Variants in DOCK9 observed in about 807,000 individuals in gnomAD.
The protein encoded by DOCK9 is dedicator of cytokinesis protein 9.
DOCK9 carries 89 observed loss-of-function variants against 263.3 expected under a neutral mutation model. The observed-to-expected ratio is 0.34, with a 90% CI of 0.28 to 0.40. DOCK9 has a LOEUF of 0.40. DOCK9 is among the 10% of genes least tolerant of loss of function. DOCK9 has a pLI of 1.00. For synonymous variants in DOCK9, 976 were observed against 973.1 expected (o/e 1.00, Z -0.06); for missense variants, 2,140 against 2,603.4 (o/e 0.82, Z 3.87).
rs181867941 is a variant in DOCK9 at position 99,038,927 on chromosome 13, T to C, written c.129+47296A>G. ...GATCTAATGGATGTCTTGGAAGCTA[T>C]GCATGTTTGCTGCATGACATTCATT... On this transcript the variant is annotated intron_variant, in intron 1 of 32. Transcript: ENST00000427887. Among the ~76,000 whole-genome samples, 53 of 152,378 alleles carry C rather than the reference T, an allele frequency of 3.5e-4. 1 individual carries two copies. The East Asian group carries it at 9.6e-3, about 28-fold the overall frequency.
chr13:99,017,516 A>G (rs1395428246), intron 1 of DOCK9, among the ~76,000 whole-genome samples: 1 of 152,254 alleles, frequency 6.6e-6, no homozygotes, highest in African/African-American at 2.4e-5. Context: ...TATTTGAGAT[A>G]CAAAAGATTA....
chr13:98,923,428 T>C (rs771738608), intron 4 of DOCK9, 57 bp from the exon 5 acceptor site: 4 of 1,434,992 alleles, frequency 2.8e-6, no homozygotes, highest in Non-Finnish European at 3.9e-6. Flanking sequence ...GAAGAGGCTT[T>C]GCATTTCTTC....
chr13:98,842,554 CAT>C (rs976711473), intron 38 of DOCK9, among the ~76,000 whole-genome samples: 1 of 152,150 alleles, frequency 6.6e-6, no homozygotes, highest in African/African-American at 2.4e-5. Context: ...TCAAAGTAAA[CAT>C]AGTGTTATTT....
At chr13:98,831,237 C>T (rs1368076305) in intron 41 of DOCK9, 111 bp downstream of exon 41, 3 of 1,227,008 alleles carry the variant, frequency 2.4e-6, no homozygotes, top group African/African-American at 3.1e-5. Flanking sequence ...TTTTCCAGAT[C>T]TTGCAGTATC....
rs755413763 is a variant in DOCK9 at position 98,930,237 on chromosome 13, C to T, written c.264G>A (p.Gln88=). The part of the protein sequence containing the change: ...DDFQTAILRR[Q]GRYICSTVPA... ...GCACTGTTGAGCATATGTATCGACC[C>T]TGTCGTCTCAGGATGGCCGTCTGGA... The change falls in exon 3 of 53, where the codon CAG becomes CAA. Residue 88 remains glutamine (Q), a synonymous_variant. Coordinates refer to ENST00000682017, the MANE Select transcript of DOCK9 (RefSeq NM_001366683.2). The T allele has an allele frequency of 2.0e-5, 33 of 1,611,220 alleles. No individual in the cohort carries two copies. The highest frequency in any genetic ancestry group is 2.4e-5 in the Non-Finnish European group (28 of 1,178,736).
At chr13:98,958,449 C>T (rs920867046) in intron 1 of DOCK9, among the ~76,000 whole-genome samples, 6 of 152,232 alleles carry the variant, frequency 3.9e-5, no homozygotes, top group South Asian at 4.1e-4. Flanking sequence ...TCTCTGTTCC[C>T]GAACTTACTA....
At chr13:98,836,784 A>C (rs142213380) in intron 39 of DOCK9, among the ~76,000 whole-genome samples, 2 of 152,236 alleles carry the variant, frequency 1.3e-5, no homozygotes, top group Non-Finnish European at 2.9e-5. Flanking sequence ...AGTGGAGACA[A>C]GTAAAGCAGA....
chr13:98,798,021 G>A (rs112468235), intron 50 of DOCK9, among the ~76,000 whole-genome samples: 134 of 152,338 alleles, frequency 8.8e-4, no homozygotes, highest in African/African-American at 2.8e-3. Context: ...TGAAGTGAGC[G>A]TTTGCGGTGT....
rs1376048343 is a variant in DOCK9 at position 98,955,622 on chromosome 13, T to A, written c.127-71A>T. On this transcript the variant is annotated intron_variant, in intron 1 of 52. Coordinates refer to ENST00000682017, the MANE Select transcript of DOCK9 (RefSeq NM_001366683.2). ...ATTTCTTAAGATAAAGAACTTAGTA[T>A]GTTCTACTCTATGTTTTGTATTTTC... 57 of 992,222 alleles carry A rather than the reference T, an allele frequency of 5.7e-5. 1 individual carries two copies. In the South Asian group the frequency reaches 7.7e-4, roughly 13 times the overall value. 61.5% of individuals were successfully genotyped at this position (992,222 alleles called of 1,614,324 possible).
chr13:99,075,723 TA>T, intron 1 of DOCK9, among the ~76,000 whole-genome samples: 1 of 152,044 alleles, frequency 6.6e-6, no homozygotes, highest in Middle Eastern at 3.4e-3. Context: ...CATCTTTCCT[TA>T]GAACATTTGC....
chr13:98,828,268 A>G lies in DOCK9; in HGVS notation c.4965+1039T>C, dbSNP rs555914500. On this transcript the variant is annotated intron_variant, in intron 43 of 52. Transcript: ENST00000682017. ...CTGTGTGAAGCCACTCAGTCTGGGT[A>G]CTTTGTTATGGCAGCCATGTAAAAC... Among the ~76,000 whole-genome samples, 217 of 152,326 alleles carry G rather than the reference A, an allele frequency of 1.4e-3. 11 individuals are homozygous for G. In the South Asian group the frequency reaches 0.044, roughly 31 times the overall value.
chr13:98,870,111 T>C (rs1382784099), intron 27 of DOCK9, among the ~76,000 whole-genome samples: 1 of 152,208 alleles, frequency 6.6e-6, no homozygotes, highest in Non-Finnish European at 1.5e-5. Flanking sequence ...ATCAAACAAA[T>C]AGTATTTTCT....
intron 47 of DOCK9, 90 bp from the exon 48 acceptor site, chr13:98,807,897 A>G: frequency 8.9e-7 from 1 of 1,129,142 alleles, no homozygotes. Flanking sequence ...AGGGGGAAAA[A>G]AAGGAATGGG....
chr13:98,913,719 T>C (rs1332125777), intron 9 of DOCK9, among the ~76,000 whole-genome samples: 1 of 152,226 alleles, frequency 6.6e-6, no homozygotes, highest in East Asian at 1.9e-4. Flanking sequence ...ACCGATGTTT[T>C]ATATCTTTTA....
At chr13:98,958,311 C>T (rs74452513) in intron 1 of DOCK9, among the ~76,000 whole-genome samples, 1,628 of 152,318 alleles carry the variant, frequency 0.011, 28 homozygotes, top group African/African-American at 0.036. Context: ...AGCTCCAGCC[C>T]ACGGCACCTC....
intron 1 of DOCK9, among the ~76,000 whole-genome samples, chr13:99,028,004 G>C (rs577586499): frequency 6.6e-6 from 1 of 152,350 alleles, no homozygotes; most frequent in East Asian, 1.9e-4. Flanking sequence ...TGACTCACCT[G>C]TCTCCCCAAA....
chr13:98,885,553 AT>A, intron 20 of DOCK9, 154 bp downstream of exon 20: 1 of 797,466 alleles, frequency 1.3e-6, no homozygotes. Context: ...AAAAAAAAAA[AT>A]TACATATGCA....
chr13:99,079,327 G>C (rs114134287), intron 1 of DOCK9, among the ~76,000 whole-genome samples: 1,390 of 138,594 alleles, frequency 0.01, 18 homozygotes, highest in African/African-American at 0.035. Context: ...AGGAGCTCAG[G>C]GTGTGAAGTT....
At chr13:99,082,653 C>T (rs139405604) in intron 1 of DOCK9, among the ~76,000 whole-genome samples, 2 of 152,142 alleles carry the variant, frequency 1.3e-5, no homozygotes, top group African/African-American at 4.8e-5. Context: ...AGAGCAGGAA[C>T]CTTGAAGTTC....
Sources: allele counts gnomAD v4.1 joint callset (sites outside exome capture counted in the v4.1 genomes callset), GRCh38; gene constraint gnomAD v4.1.1; transcripts MANE v1.5; gene names NCBI Gene and HGNC (gene_info 2026-07-23, HGNC 2026-07-21).